Variants in SGCZ observed in about 807,000 individuals in gnomAD.
SGCZ encodes sarcoglycan zeta.
In SGCZ, 40 loss-of-function variants were observed where a neutral mutation model predicts 41.3. The observed-to-expected ratio is 0.97, with a 90% confidence interval of 0.75 to 1.26. SGCZ has a LOEUF of 1.26. Ranked by LOEUF, SGCZ falls within the 50% of genes most tolerant of loss-of-function variation. The pLI is 0.00. For synonymous variants in SGCZ, 206 were observed against 137.5 expected (o/e 1.50, Z -3.49); for missense variants, 552 against 369.8 (o/e 1.49, Z -4.04).
At chr8:14,274,587 T>C (rs961719346) in intron 3 of SGCZ, among the ~76,000 whole-genome samples, 1 of 152,168 alleles carries the variant, frequency 6.6e-6, no homozygotes, top group Admixed American at 6.5e-5. Flanking sequence ...ACCATGTTAT[T>C]GTATATAACA....
chr8:14,445,692 A>G (rs970040143), intron 2 of SGCZ, among the ~76,000 whole-genome samples: 4 of 152,122 alleles, frequency 2.6e-5, no homozygotes, highest in African/African-American at 4.8e-5. Context: ...GTACCCAAAA[A>G]TGCTATCACA....
chr8:14,298,618 A>C (rs1250671232), intron 3 of SGCZ, among the ~76,000 whole-genome samples: 1 of 152,008 alleles, frequency 6.6e-6, no homozygotes, highest in East Asian at 1.9e-4. Context: ...ACTCAGAACA[A>C]AATTTCAACA....
At chr8:14,204,729 C>G (rs1208262239) in intron 4 of SGCZ, among the ~76,000 whole-genome samples, 1 of 152,158 alleles carries the variant, frequency 6.6e-6, no homozygotes, top group East Asian at 1.9e-4. Context: ...TATTTTTATG[C>G]TGAAGCTGGG....
rs1728951793 is a variant in SGCZ, at chr8:14,544,743, AG to A, written c.234+9988del. 1.3e-5 allele frequency among the ~76,000 whole-genome samples: 2 copies of A among 152,086 alleles called. 1 individual carries two copies. Among genetic ancestry groups the A allele is most frequent in the South Asian group, 4.1e-4 (2 of 4,828 alleles). On this transcript the variant is annotated intron_variant, in intron 2 of 7. Transcript: ENST00000382080. ...CTTGAACCCTGTTTTCTGTTCTTTA[AG>A]ATCTTTATCAAGACAATACGTGCAC...
chr8:14,188,381 A>G (rs1309210527), intron 4 of SGCZ, among the ~76,000 whole-genome samples: 2 of 152,220 alleles, frequency 1.3e-5, no homozygotes. Context: ...GGAATGGAGC[A>G]GTGATACGTA....
intron 1 of SGCZ, among the ~76,000 whole-genome samples, chr8:14,672,788 T>G (rs1808146228): frequency 6.6e-6 from 1 of 152,146 alleles, no homozygotes. Context: ...CTCCTAGTAC[T>G]AGTAAGACCT....
intron 1 of SGCZ, among the ~76,000 whole-genome samples, chr8:15,224,878 A>G (rs1041958998): frequency 1.3e-5 from 2 of 152,208 alleles, no homozygotes; most frequent in Admixed American, 6.5e-5. Context: ...GTCATCACCT[A>G]TAAGTTTTAA....
intron 2 of SGCZ, among the ~76,000 whole-genome samples, chr8:14,517,934 T>C (rs1802673665): frequency 6.6e-6 from 1 of 151,890 alleles, no homozygotes; most frequent in South Asian, 2.1e-4. Flanking sequence ...CTCATATTTT[T>C]CTCTTTAAAT....
intron 5 of SGCZ, among the ~76,000 whole-genome samples, chr8:14,147,564 G>C (rs1209150655): frequency 6.6e-6 from 1 of 152,054 alleles, no homozygotes; most frequent in Non-Finnish European, 1.5e-5. Context: ...CAAATATATA[G>C]AGGAAACATT....
intron 1 of SGCZ, among the ~76,000 whole-genome samples, chr8:15,214,120 T>C (rs1801322969): frequency 6.6e-6 from 1 of 151,990 alleles, no homozygotes; most frequent in South Asian, 2.1e-4. Flanking sequence ...TGATCAGCCA[T>C]GTGAAAAAAA....
At chr8:14,915,561 T>C (rs1311108897) in intron 1 of SGCZ, among the ~76,000 whole-genome samples, 1 of 152,020 alleles carries the variant, frequency 6.6e-6, no homozygotes, top group Non-Finnish European at 1.5e-5. Context: ...GTCAGCCACG[T>C]GTAGAGTAAA....
intron 2 of SGCZ, among the ~76,000 whole-genome samples, chr8:14,516,795 A>C (rs1802635337): frequency 6.6e-6 from 1 of 152,126 alleles, no homozygotes; most frequent in South Asian, 2.1e-4. Flanking sequence ...ATCCAGAAGT[A>C]CTGACACTGA....
At chr8:14,855,054 T>C (rs116258719) in intron 1 of SGCZ, among the ~76,000 whole-genome samples, 1,862 of 151,534 alleles carry the variant, frequency 0.012, 35 homozygotes, top group African/African-American at 0.042. Context: ...TTATTTTATT[T>C]ATTTATTTAT....
At chr8:14,295,049 T>C (rs1309223897) in intron 3 of SGCZ, among the ~76,000 whole-genome samples, 1 of 152,162 alleles carries the variant, frequency 6.6e-6, no homozygotes, top group Non-Finnish European at 1.5e-5. Context: ...CCACCTCCTA[T>C]GTGACCCAGC....
chr8:14,437,811 G>A (rs1800136356), intron 2 of SGCZ, among the ~76,000 whole-genome samples: 1 of 151,492 alleles, frequency 6.6e-6, no homozygotes, highest in Non-Finnish European at 1.5e-5. Context: ...AACATTTCAT[G>A]CATTTAATAA....
chr8:14,531,524 A>G (rs1803130358), intron 2 of SGCZ, among the ~76,000 whole-genome samples: 1 of 152,054 alleles, frequency 6.6e-6, no homozygotes, highest in Non-Finnish European at 1.5e-5. Context: ...AAAAGCCACA[A>G]AGGAAAGACG....
At chr8:15,222,775 G>A (rs1232204333) in intron 1 of SGCZ, among the ~76,000 whole-genome samples, 2 of 152,026 alleles carry the variant, frequency 1.3e-5, no homozygotes, top group South Asian at 2.1e-4. Context: ...GTGTGTCTGT[G>A]TGTGTGTGTA....
intron 1 of SGCZ, among the ~76,000 whole-genome samples, chr8:14,873,053 A>G (rs1804225018): frequency 6.6e-6 from 1 of 152,136 alleles, no homozygotes; most frequent in Non-Finnish European, 1.5e-5. Context: ...GTAAGTTAGA[A>G]GGAGTCAGGT....
At chr8:14,396,231 T>C (rs771022956) in intron 2 of SGCZ, among the ~76,000 whole-genome samples, 1 of 152,210 alleles carries the variant, frequency 6.6e-6, no homozygotes, top group African/African-American at 2.4e-5. Context: ...TCCTACGCAA[T>C]ATACTTTCAA....
Sources: allele counts gnomAD v4.1 joint callset (sites outside exome capture counted in the v4.1 genomes callset), GRCh38; gene constraint gnomAD v4.1.1; transcripts MANE v1.5; gene names NCBI Gene and HGNC (gene_info 2026-07-23, HGNC 2026-07-21).